The following PTPRD variants were observed in gnomAD, a reference collection of about 807,000 sequenced individuals.
PTPRD encodes the protein receptor-type tyrosine-protein phosphatase delta.
In PTPRD, 34 loss-of-function variants were observed where a neutral mutation model predicts 214.5. The ratio of observed to expected loss-of-function variants is 0.16; its 90% CI spans 0.12 to 0.21. The LOEUF is 0.21. Among genes scored for constraint, PTPRD ranks in the 10% least tolerant of loss-of-function variants. PTPRD has a pLI of 1.00. For synonymous variants in PTPRD, 1,128 were observed against 845.7 expected, an observed-to-expected ratio of 1.33 and a Z score of -5.79; for missense variants, 2,545 against 2,398.7, an observed-to-expected ratio of 1.06 and a Z score of -1.27.
chr9:10,230,730 G>A (rs551292229), intron 3 of PTPRD, among the ~76,000 whole-genome samples: 40 of 151,912 alleles, frequency 2.6e-4, no homozygotes, highest in Non-Finnish European at 5.0e-4. Flanking sequence ...TTAAGGCACA[G>A]GATATAAAAC....
chr9:10,158,117 T>C (rs1296897183), intron 3 of PTPRD, among the ~76,000 whole-genome samples: 1 of 152,100 alleles, frequency 6.6e-6, no homozygotes, highest in Non-Finnish European at 1.5e-5. Context: ...CAAACAATTC[T>C]TCTGTCTCAG....
chr9:8,665,116 G>A (rs918819637), intron 12 of PTPRD, among the ~76,000 whole-genome samples: 2 of 152,168 alleles, frequency 1.3e-5, no homozygotes, highest in Non-Finnish European at 2.9e-5. Flanking sequence ...AACTGAGTTC[G>A]AATTTTTTTG....
intron 3 of PTPRD, among the ~76,000 whole-genome samples, chr9:10,109,472 G>C (rs2098670005): frequency 6.6e-6 from 1 of 152,154 alleles, no homozygotes; most frequent in African/African-American, 2.4e-5. Flanking sequence ...TATCCTATCA[G>C]ATACCTACTA....
At chr9:8,502,751 T>C (rs1447435044) in intron 23 of PTPRD, among the ~76,000 whole-genome samples, 1 of 151,880 alleles carries the variant, frequency 6.6e-6, no homozygotes, top group Non-Finnish European at 1.5e-5. Context: ...TGTGAGAATA[T>C]ATTCAACACC....
chr9:9,110,011 G>C (rs1283173499), intron 10 of PTPRD, among the ~76,000 whole-genome samples: 1 of 152,102 alleles, frequency 6.6e-6, no homozygotes, highest in Admixed American at 6.6e-5. Context: ...CAAACCAGGA[G>C]CTCCAAAGAG....
intron 14 of PTPRD, among the ~76,000 whole-genome samples, chr9:8,571,838 G>A (rs1221800595): frequency 6.6e-6 from 1 of 152,070 alleles, no homozygotes; most frequent in African/African-American, 2.4e-5. Flanking sequence ...CCAAGAGCAT[G>A]TTCTGATAAG....
chr9:9,839,039 C>T (rs1383475685), intron 5 of PTPRD, among the ~76,000 whole-genome samples: 2 of 152,098 alleles, frequency 1.3e-5, no homozygotes, highest in East Asian at 3.8e-4. Context: ...TTCCCCATTG[C>T]TTGTTTTTGT....
At chr9:9,548,555 T>A (rs7869663) in intron 8 of PTPRD, among the ~76,000 whole-genome samples, 1 of 151,602 alleles carries the variant, frequency 6.6e-6, no homozygotes, top group Non-Finnish European at 1.5e-5. Context: ...TCTGCCACCA[T>A]GCCTGGCTAA....
At chr9:8,719,700 C>T (rs980596179) in intron 12 of PTPRD, among the ~76,000 whole-genome samples, 1 of 151,422 alleles carries the variant, frequency 6.6e-6, no homozygotes, top group African/African-American at 2.5e-5. Context: ...GATAGAGACC[C>T]ACAAAGCCAA....
rs114348009 is a variant in PTPRD, at chr9:8,526,310, G to A, written c.568+317C>T. Among the ~76,000 whole-genome samples, 490 of 149,010 alleles carry A rather than the reference G, an allele frequency of 3.3e-3. 3 individuals are homozygous for A. The highest frequency in any genetic ancestry group is 0.011 in the African/African-American group (446 of 40,724). On this transcript the variant is annotated intron_variant, in intron 17 of 45. Transcript: ENST00000381196. ...AAAGGAAAAAGGAAGAAGAAGAAAA[G>A]GAAAAAAAAAGAGGGACAGATGGTA...
intron 3 of PTPRD, among the ~76,000 whole-genome samples, chr9:10,156,502 A>G (rs2099094342): frequency 6.6e-6 from 1 of 151,952 alleles, no homozygotes; most frequent in Non-Finnish European, 1.5e-5. Flanking sequence ...GGTCCAAGAG[A>G]GTTGTTATGG....
At chr9:9,302,046 T>C (rs1009318084) in intron 9 of PTPRD, among the ~76,000 whole-genome samples, 13 of 151,962 alleles carry the variant, frequency 8.6e-5, no homozygotes, top group Admixed American at 7.9e-4. Flanking sequence ...TGATAAATTA[T>C]AAAATATCAT....
At position 10,104,041 on chromosome 9, in the gene PTPRD, A is replaced by T. The variant is rs186281344; in HGVS notation, c.-544-70251T>A. On this transcript the variant is annotated intron_variant, in intron 3 of 45. Transcript: ENST00000381196. ...CATGTGTAGGAAACTTAAGGACATT[A>T]TGTTAAGTGAAATAAGCCAGTCACA... 3.0e-3 allele frequency among the ~76,000 whole-genome samples: 451 copies of T among 151,870 alleles called. 2 individuals are homozygous for T. Among genetic ancestry groups the T allele is most frequent in the African/African-American group, 0.01 (422 of 41,498 alleles).
At chr9:9,002,203 A>G (rs927917459) in intron 11 of PTPRD, among the ~76,000 whole-genome samples, 1 of 152,012 alleles carries the variant, frequency 6.6e-6, no homozygotes, top group African/African-American at 2.4e-5. Context: ...GGTAAGGTAA[A>G]GAGAGAAACA....
intron 2 of PTPRD, among the ~76,000 whole-genome samples, chr9:10,545,599 C>T (rs928727748): frequency 2.6e-5 from 4 of 152,158 alleles, no homozygotes; most frequent in Non-Finnish European, 5.9e-5. Flanking sequence ...TTTAATTGAG[C>T]AACTACTCAA....
intron 22 of PTPRD, among the ~76,000 whole-genome samples, chr9:8,506,676 C>T (rs1436800202): frequency 6.6e-6 from 1 of 152,156 alleles, no homozygotes; most frequent in African/African-American, 2.4e-5. Context: ...TGGTGAAACC[C>T]TTAGAACAGT....
chr9:10,325,081 C>G (rs1235053440), intron 3 of PTPRD, among the ~76,000 whole-genome samples: 1 of 152,018 alleles, frequency 6.6e-6, no homozygotes, highest in Non-Finnish European at 1.5e-5. Flanking sequence ...GTTTCACCTC[C>G]TCCCCAATCT....
At chr9:10,243,696 C>G (rs2091557277) in intron 3 of PTPRD, among the ~76,000 whole-genome samples, 1 of 151,850 alleles carries the variant, frequency 6.6e-6, no homozygotes, top group African/African-American at 2.4e-5. Context: ...CTACAAACAC[C>G]TGGTATATAA....
intron 12 of PTPRD, among the ~76,000 whole-genome samples, chr9:8,645,055 A>G (rs1034565189): frequency 3.3e-5 from 5 of 152,256 alleles, no homozygotes; most frequent in African/African-American, 9.6e-5. Context: ...GATTGCACAG[A>G]TAATATATCG....
Sources: allele counts gnomAD v4.1 joint callset (sites outside exome capture counted in the v4.1 genomes callset), GRCh38; gene constraint gnomAD v4.1.1; transcripts MANE v1.5; gene names NCBI Gene and HGNC (gene_info 2026-07-23, HGNC 2026-07-21).